EMSY: variants seen among roughly 807,000 people sequenced by gnomAD.
EMSY encodes the protein EMSY transcriptional repressor, BRCA2 interacting, also known as BRCA2-interacting transcriptional repressor EMSY.
Under a neutral mutation model 134.6 loss-of-function variants are expected in EMSY, and 26 were observed. The observed-to-expected ratio is 0.19, with a 90% CI of 0.14 to 0.27. The LOEUF (loss-of-function observed/expected upper bound fraction) is 0.27. Ranked by LOEUF, EMSY falls within the 10% of genes least tolerant of loss-of-function variation. The pLI is 1.00. For synonymous variants in EMSY, 579 were observed against 577.8 expected, an observed-to-expected ratio of 1.00 and a Z score of -0.03; for missense variants, 1,305 against 1,611.4, an observed-to-expected ratio of 0.81 and a Z score of 3.26.
chr11:76,540,525 C>T (rs1229503154), intron 17 of EMSY, among the ~76,000 whole-genome samples: 1 of 152,078 alleles, frequency 6.6e-6, no homozygotes, highest in Admixed American at 6.5e-5. Context: ...GTGATGCTGC[C>T]TATAATCTCA....
chr11:76,464,983 G>A (rs540746871), intron 7 of EMSY, among the ~76,000 whole-genome samples: 25 of 152,194 alleles, frequency 1.6e-4, no homozygotes, highest in Admixed American at 7.2e-4. Context: ...TTCAGATACT[G>A]TTTTTCTCTT....
chr11:76,446,345 A>G (rs55777803), intron 1 of EMSY, among the ~76,000 whole-genome samples: 157 of 14,204 alleles, frequency 0.011, 2 homozygotes, highest in African/African-American at 0.029. Context: ...GTATATATAT[A>G]TGTGTATATA....
intron 20 of EMSY, among the ~76,000 whole-genome samples, chr11:76,548,664 C>T (rs926244465): frequency 5.9e-5 from 9 of 152,156 alleles, no homozygotes; most frequent in Non-Finnish European, 1.3e-4. Flanking sequence ...GGCCTCTTGA[C>T]CTTGTCTAAT....
At chr11:76,460,164 G>T in intron 6 of EMSY, 79 bp downstream of exon 7, 1 of 1,498,596 alleles carries the variant, frequency 6.7e-7, no homozygotes, top group South Asian at 1.2e-5. Context: ...CTGCCTTCCT[G>T]GATTAAATCA....
intron 8 of EMSY, among the ~76,000 whole-genome samples, chr11:76,488,282 G>A (rs1402427637): frequency 6.6e-6 from 1 of 152,106 alleles, no homozygotes; most frequent in African/African-American, 2.4e-5. Context: ...CCTGGGCAAC[G>A]TAGCATGACC....
chr11:76,489,570 A>C lies in EMSY; in HGVS notation c.1109-6645A>C, dbSNP rs1232266296. Among the ~76,000 whole-genome samples the C allele has an allele frequency of 2.1e-5, 3 of 145,480 alleles. No homozygotes were observed. The East Asian group carries it at 6.0e-4, about 29-fold the overall frequency. On this transcript the variant is annotated intron_variant, in intron 8 of 20. Transcript: ENST00000334736. ...TGTCTTTTCTGATGTTAATATAGCCACTCCAACTTTCTTATGATTACTGTT... is the reference window on the plus strand; with the variant it reads ...TGTCTTTTCTGATGTTAATATAGCCCCTCCAACTTTCTTATGATTACTGTT...
intron 10 of EMSY, among the ~76,000 whole-genome samples, chr11:76,515,662 A>G (rs1042071520): frequency 1.3e-5 from 2 of 152,210 alleles, no homozygotes; most frequent in Non-Finnish European, 2.9e-5. Flanking sequence ...CAGAGTACAA[A>G]GCAATGAAAG....
chr11:76,541,934 A>G (rs1951455054), intron 17 of EMSY: 2 of 587,694 alleles, frequency 3.4e-6, no homozygotes, highest in Admixed American at 3.0e-5. Flanking sequence ...CTCCTTTGTG[A>G]TAAGAGTTTT....
At chr11:76,501,980 G>GT (rs1376293259) in intron 9 of EMSY, among the ~76,000 whole-genome samples, 6 of 145,472 alleles carry the variant, frequency 4.1e-5, no homozygotes, top group African/African-American at 1.5e-4. Context: ...ATAAAGTTAC[G>GT]TAAGAGCTGA....
At chr11:76,472,777 A>G in exon 8 of EMSY, 1 of 1,614,202 alleles carries the variant, frequency 6.2e-7, no homozygotes, top group Non-Finnish European at 8.5e-7. Context: ...TATTCCTAAT[A>G]CAGTTGCAGT....
At chr11:76,493,974 T>A (rs4945090) in intron 8 of EMSY, among the ~76,000 whole-genome samples, 81,380 of 152,132 alleles carry the variant, frequency 0.53, 22,854 homozygotes, top group East Asian at 0.67. Context: ...ACACCCTCTT[T>A]GGGACTCTGT....
intron 11 of EMSY, among the ~76,000 whole-genome samples, chr11:76,518,853 C>T (rs926468109): frequency 8.1e-4 from 64 of 79,030 alleles, no homozygotes; most frequent in African/African-American, 2.0e-3. Context: ...TACTTATAGG[C>T]TGTCTTGTGT....
intron 8 of EMSY, among the ~76,000 whole-genome samples, chr11:76,473,556 G>A (rs574244363): frequency 1.3e-4 from 19 of 151,860 alleles, no homozygotes; most frequent in African/African-American, 3.1e-4. Context: ...CAATCCACCC[G>A]CCTCAGCTTC....
chr11:76,504,027 C>G (rs977040093), intron 9 of EMSY, among the ~76,000 whole-genome samples: 1 of 151,450 alleles, frequency 6.6e-6, no homozygotes, highest in African/African-American at 2.4e-5. Context: ...TTCAAGTGAT[C>G]CACCTACCTT....
intron 6 of EMSY, 134 bp from the exon 8 acceptor site, chr11:76,463,687 G>C: frequency 1.0e-6 from 1 of 964,726 alleles, no homozygotes; most frequent in Non-Finnish European, 1.5e-6. Context: ...TTCTCTGAGG[G>C]AAGATTGATA....
chr11:76,535,872 T>G, intron 14 of EMSY, 23 bp from the exon 16 acceptor site: 1 of 1,446,598 alleles, frequency 6.9e-7, no homozygotes. Flanking sequence ...AGGGTTTGTT[T>G]TTTTTTAACT....
chr11:76,522,660 C>G (rs554034356), intron 11 of EMSY, among the ~76,000 whole-genome samples: 14 of 152,220 alleles, frequency 9.2e-5, no homozygotes, highest in African/African-American at 3.4e-4. Context: ...CACGCCTGGC[C>G]TACTTTGTCT....
At chr11:76,522,459 C>T (rs1950682578) in intron 11 of EMSY, among the ~76,000 whole-genome samples, 1 of 145,718 alleles carries the variant, frequency 6.9e-6, no homozygotes, top group South Asian at 2.2e-4. Flanking sequence ...CCTCCACCTC[C>T]CGGGTTCAAG....
intron 6 of EMSY, among the ~76,000 whole-genome samples, chr11:76,462,821 G>T (rs1212690185): frequency 6.6e-6 from 1 of 152,184 alleles, no homozygotes; most frequent in East Asian, 1.9e-4. Context: ...TAATGATTTT[G>T]TGCCTCATCT....
Sources: allele counts gnomAD v4.1 joint callset (sites outside exome capture counted in the v4.1 genomes callset), GRCh38; gene constraint gnomAD v4.1.1; transcripts MANE v1.5; gene names NCBI Gene and HGNC (gene_info 2026-07-23, HGNC 2026-07-21).